EPHA3: variants seen among roughly 807,000 people sequenced by gnomAD.
The protein encoded by EPHA3 is EPH receptor A3.
In EPHA3, 42 loss-of-function variants were observed where a neutral mutation model predicts 107.1. The observed-to-expected ratio is 0.39, with a 90% confidence interval of 0.31 to 0.51. EPHA3 has a LOEUF of 0.51. Among genes scored for constraint, EPHA3 ranks in the 20% least tolerant of loss-of-function variants. The probability of loss-of-function intolerance (pLI) is 0.78; values close to 1 mark genes in which losing one functional copy is unlikely to be tolerated. For synonymous variants in EPHA3, 461 were observed against 424.8 expected, an observed-to-expected ratio of 1.09 and a Z score of -1.05; for missense variants, 1,183 against 1,211.2, an observed-to-expected ratio of 0.98 and a Z score of 0.35.
chr3:89,345,009 C>T (rs779601625), intron 5 of EPHA3, among the ~76,000 whole-genome samples: 7 of 151,256 alleles, frequency 4.6e-5, no homozygotes, highest in Non-Finnish European at 7.4e-5. Flanking sequence ...AATCTTCAAA[C>T]TTATAACGAC....
intron 5 of EPHA3, among the ~76,000 whole-genome samples, chr3:89,372,773 C>T (rs2035691912): frequency 6.6e-6 from 1 of 151,704 alleles, no homozygotes; most frequent in African/African-American, 2.4e-5. Context: ...GAGACAGTTA[C>T]CTTAAAACAT....
intron 3 of EPHA3, among the ~76,000 whole-genome samples, chr3:89,290,115 T>C (rs1706177352): frequency 6.6e-6 from 1 of 152,178 alleles, no homozygotes; most frequent in Admixed American, 6.6e-5. Flanking sequence ...TCTTCTGTTG[T>C]GGTTCTAAGA....
intron 11 of EPHA3, among the ~76,000 whole-genome samples, chr3:89,425,453 C>T (rs546165827): frequency 2.7e-5 from 4 of 146,436 alleles, no homozygotes; most frequent in Non-Finnish European, 4.5e-5. Flanking sequence ...AGATTGCTAG[C>T]GGCTAAGGTC....
chr3:89,121,052 A>G (rs926085496), intron 1 of EPHA3, among the ~76,000 whole-genome samples: 4 of 151,938 alleles, frequency 2.6e-5, no homozygotes, highest in African/African-American at 9.7e-5. Context: ...ATCCTGACTA[A>G]CGCGGTGAAA....
chr3:89,123,958 G>A (rs554176328), intron 1 of EPHA3, among the ~76,000 whole-genome samples: 2 of 152,224 alleles, frequency 1.3e-5, no homozygotes, highest in African/African-American at 2.4e-5. Flanking sequence ...TAAATAACTG[G>A]CATGAGACAG....
intron 2 of EPHA3, among the ~76,000 whole-genome samples, chr3:89,194,386 T>C (rs1705786937): frequency 6.6e-6 from 1 of 152,004 alleles, no homozygotes; most frequent in African/African-American, 2.4e-5. Context: ...CCTTCTGCCT[T>C]GCAGAAACAA....
At chr3:89,352,256 T>C (rs1707843850) in intron 5 of EPHA3, among the ~76,000 whole-genome samples, 2 of 151,380 alleles carry the variant, frequency 1.3e-5, no homozygotes, top group African/African-American at 2.4e-5. Context: ...AACGCCTTCC[T>C]TTCTTCTGGC....
chr3:89,419,321 G>A lies in EPHA3; in HGVS notation c.2005G>A (p.Gly669Arg). ...AGAAAAGCAGAGGAGAGACTTCCTGGGAGAAGCAAGCATTATGGGACAGTT... is the reference window on the plus strand; with the variant it reads ...AGAAAAGCAGAGGAGAGACTTCCTGAGAGAAGCAAGCATTATGGGACAGTT... Reference protein sequence around the residue: ...YTEKQRRDFLGEASIMGQFDH... With the variant: ...YTEKQRRDFLREASIMGQFDH... Residue 669 changes from glycine (G) to arginine (R), a missense_variant, in exon 11 of 17, where the codon GGA becomes AGA. Physicochemically the swap from Gly to Arg is moderately radical, Grantham distance 125. Transcript: ENST00000336596. 2 of 1,610,312 alleles carry A rather than the reference G, an allele frequency of 1.2e-6. No homozygotes were observed. The highest frequency in any genetic ancestry group is 1.7e-6 in the Non-Finnish European group (2 of 1,177,660).
chr3:89,244,856 C>T (rs563476115), intron 3 of EPHA3, among the ~76,000 whole-genome samples: 39 of 152,198 alleles, frequency 2.6e-4, no homozygotes, highest in African/African-American at 9.2e-4. Context: ...GCATTGGTTT[C>T]GGAAATGAAG....
At chr3:89,135,860 C>A (rs1239833803) in intron 2 of EPHA3, among the ~76,000 whole-genome samples, 1 of 151,100 alleles carries the variant, frequency 6.6e-6, no homozygotes. Context: ...TCCAGTTGAG[C>A]AAATCATAGA....
At chr3:89,357,920 CTTA>C (rs1452940075) in intron 5 of EPHA3, among the ~76,000 whole-genome samples, 1 of 151,130 alleles carries the variant, frequency 6.6e-6, no homozygotes, top group African/African-American at 2.4e-5. Context: ...TTTACAAATT[CTTA>C]TTATTGCAGA....
chr3:89,331,134 G>A (rs893016957), intron 3 of EPHA3, among the ~76,000 whole-genome samples: 10 of 152,060 alleles, frequency 6.6e-5, no homozygotes, highest in Admixed American at 1.3e-4. Flanking sequence ...ATTTACATAC[G>A]TTACATGTAC....
chr3:89,419,667 GAGA>G (rs1479148316), intron 11 of EPHA3, among the ~76,000 whole-genome samples: 1 of 151,436 alleles, frequency 6.6e-6, no homozygotes, highest in East Asian at 1.9e-4. Flanking sequence ...AGACAGTTAA[GAGA>G]AGAATTGTGG....
intron 2 of EPHA3, among the ~76,000 whole-genome samples, chr3:89,199,877 A>G (rs182533063): frequency 3.5e-3 from 536 of 152,244 alleles, no homozygotes; most frequent in African/African-American, 0.012. Context: ...TACTTTGTAT[A>G]ATTTTGACAT....
chr3:89,166,245 A>C (rs1705061108), intron 2 of EPHA3, among the ~76,000 whole-genome samples: 1 of 152,040 alleles, frequency 6.6e-6, no homozygotes, highest in African/African-American at 2.4e-5. Flanking sequence ...AATTTATCAA[A>C]ATTTGTAATT....
chr3:89,134,543 G>T (rs990398031), intron 2 of EPHA3, among the ~76,000 whole-genome samples: 4 of 152,122 alleles, frequency 2.6e-5, no homozygotes, highest in Non-Finnish European at 1.5e-5. Context: ...CAAAGGACAT[G>T]AACTCATCAT....
At chr3:89,287,851 C>T (rs1273904371) in intron 3 of EPHA3, among the ~76,000 whole-genome samples, 7 of 151,942 alleles carry the variant, frequency 4.6e-5, no homozygotes, top group South Asian at 2.1e-4. Flanking sequence ...AAGATTCTCC[C>T]GTGGTATGAC....
intron 5 of EPHA3, among the ~76,000 whole-genome samples, chr3:89,354,147 A>G (rs963129182): frequency 1.3e-5 from 2 of 151,292 alleles, no homozygotes; most frequent in Admixed American, 6.6e-5. Context: ...CAAGGAGAAC[A>G]TTTTTAGTCT....
intron 5 of EPHA3, among the ~76,000 whole-genome samples, chr3:89,351,847 A>G (rs1406428365): frequency 6.6e-6 from 1 of 150,724 alleles, no homozygotes; most frequent in Non-Finnish European, 1.5e-5. Context: ...TCTATTTATA[A>G]TAATAACATA....
Sources: gnomAD v4.1 joint callset for allele counts (sites outside exome capture counted in the v4.1 genomes callset) on GRCh38, gnomAD v4.1.1 for gene constraint, MANE v1.5 for transcripts, NCBI Gene and HGNC (gene_info 2026-07-23, HGNC 2026-07-21) for gene names.